CIROZ: variants seen among roughly 807,000 people sequenced by gnomAD.
CIROZ encodes ciliated left-right organizer protein containing ZP-N domains.
the CIROZ span, chr1:10,948,430 C>T: frequency 2.1e-4 from 331 of 1,613,294 alleles, no homozygotes; most frequent in Non-Finnish European, 2.7e-4. Flanking sequence ...GCCACATCCC[C>T]GCTTGACAAG....
At chr1:10,967,917 T>C in the CIROZ span, among the ~76,000 whole-genome samples, 1 of 152,154 alleles carries the variant, frequency 6.6e-6, no homozygotes, top group Non-Finnish European at 1.5e-5. Context: ...GAGGTTGCAG[T>C]GCGCCAAGGT....
At chr1:10,955,217 A>T in the CIROZ span, 1 of 1,566,794 alleles carries the variant, frequency 6.4e-7, no homozygotes, top group Non-Finnish European at 8.7e-7. Context: ...GACACAGAAA[A>T]AGGCACACTT....
chr1:10,976,104 T>C, the CIROZ span: 4 of 1,468,000 alleles, frequency 2.7e-6, no homozygotes, highest in African/African-American at 1.4e-5. Flanking sequence ...AGTCTGCTCA[T>C]TGGGGAAATA....
the CIROZ span, chr1:10,946,536 G>C: frequency 6.6e-6 from 1 of 152,162 alleles, no homozygotes; most frequent in Non-Finnish European, 1.5e-5. Context: ...CCTCTTCTTG[G>C]CTGCATTTCA....
At chr1:10,958,892 A>G in the CIROZ span, 5 of 762,394 alleles carry the variant, frequency 6.6e-6, no homozygotes, top group East Asian at 7.8e-5. Context: ...TTGTTTGCTC[A>G]TTAAGACAAG....
the CIROZ span, among the ~76,000 whole-genome samples, chr1:10,965,971 T>C: frequency 1.3e-5 from 2 of 152,192 alleles, no homozygotes; most frequent in East Asian, 3.8e-4. Flanking sequence ...TTCACTTCAT[T>C]CAGCACTTAC....
chr1:10,970,196 C>T, the CIROZ span: 3 of 1,103,698 alleles, frequency 2.7e-6, no homozygotes, highest in Non-Finnish European at 2.5e-6. Flanking sequence ...GAGCTCCTCT[C>T]AGCCTGGCTT....
At chr1:10,960,525 C>T in the CIROZ span, among the ~76,000 whole-genome samples, 2 of 152,256 alleles carry the variant, frequency 1.3e-5, no homozygotes, top group African/African-American at 4.8e-5. The surrounding 1 kb of genome is among the most constrained non-coding windows in gnomAD (Gnocchi z 4.6). Context: ...TCCGCAGGAG[C>T]TCGGGCAGCC....
At chr1:10,957,659 A>T in the CIROZ span, 4 of 1,614,172 alleles carry the variant, frequency 2.5e-6, no homozygotes, top group Non-Finnish European at 3.4e-6. Context: ...TTGGACGGTG[A>T]CAGTGGTGGC....
the CIROZ span, among the ~76,000 whole-genome samples, chr1:10,969,802 G>T: frequency 6.6e-6 from 1 of 152,176 alleles, no homozygotes; most frequent in Non-Finnish European, 1.5e-5. Context: ...GGTGGGCGTG[G>T]ACGACTTTAG....
the CIROZ span, among the ~76,000 whole-genome samples, chr1:10,962,966 G>C: frequency 6.6e-6 from 1 of 151,700 alleles, no homozygotes; most frequent in African/African-American, 2.4e-5. Flanking sequence ...CAAAAAATTT[G>C]AACATTAGCT....
At chr1:10,948,392 G>C in the CIROZ span, 1 of 1,613,078 alleles carries the variant, frequency 6.2e-7, no homozygotes, top group Non-Finnish European at 8.5e-7. Flanking sequence ...TGGCTTGGCC[G>C]GGCTCCCCCA....
At chr1:10,965,440 G>A in the CIROZ span, among the ~76,000 whole-genome samples, 2 of 152,150 alleles carry the variant, frequency 1.3e-5, no homozygotes, top group Non-Finnish European at 2.9e-5. Flanking sequence ...TAAGTAACAA[G>A]AATGCTGGCA....
the CIROZ span, among the ~76,000 whole-genome samples, chr1:10,958,152 C>G: frequency 6.6e-6 from 1 of 152,120 alleles, no homozygotes; most frequent in East Asian, 1.9e-4. Context: ...AAGGTGAGGG[C>G]CAGATGCGGG....
At chr1:10,970,835 G>A in the CIROZ span, among the ~76,000 whole-genome samples, 4 of 150,978 alleles carry the variant, frequency 2.6e-5, no homozygotes, top group Non-Finnish European at 5.9e-5. Flanking sequence ...AGGGAGCAAG[G>A]TGACTTCATG....
the CIROZ span, among the ~76,000 whole-genome samples, chr1:10,980,472 A>G: frequency 1.3e-5 from 2 of 152,384 alleles, no homozygotes; most frequent in African/African-American, 4.8e-5. Flanking sequence ...CGCTATTATT[A>G]GTTGATTAAT....
the CIROZ span, chr1:10,948,827 G>A: frequency 6.6e-7 from 1 of 1,511,160 alleles, no homozygotes; most frequent in Admixed American, 2.3e-5. Flanking sequence ...CTGTTTGCAG[G>A]AATGGTCCAA....
At chr1:10,951,745 A>AAAAAAAAATATATATATATATATATATAT in the CIROZ span, among the ~76,000 whole-genome samples, 1 of 119,200 alleles carries the variant, frequency 8.4e-6, no homozygotes, top group African/African-American at 3.6e-5. Context: ...AAAAAAAAAA[A>AAAAAAAAATATATATATATATATATATAT]ATATATATAT....
the CIROZ span, chr1:10,953,976 G>T: frequency 3.2e-6 from 5 of 1,583,326 alleles, no homozygotes; most frequent in Non-Finnish European, 4.3e-6. Context: ...TGTGTGGTGT[G>T]TGCCTGTTAC....
Sources: allele counts gnomAD v4.1 joint callset (sites outside exome capture counted in the v4.1 genomes callset), GRCh38; gene constraint gnomAD v4.1.1; non-coding constraint Gnocchi (gnomAD v3.1); transcripts MANE v1.5; gene names NCBI Gene and HGNC (gene_info 2026-07-23, HGNC 2026-07-21).